GPC5: variants seen among roughly 807,000 people sequenced by gnomAD.
GPC5 encodes glypican 5, also known as glypican-5.
GPC5 carries 47 observed loss-of-function variants against 53.9 expected under a neutral mutation model. The observed-to-expected ratio is 0.87, with a 90% CI of 0.69 to 1.11. The LOEUF (loss-of-function observed/expected upper bound fraction) is 1.11, where lower values mean the gene tolerates loss of function less well. Among genes scored for constraint, GPC5 ranks in the 50% most tolerant of loss-of-function variants. The pLI is 0.00. For missense variants in GPC5, 748 were observed against 713.1 expected (o/e 1.05, Z -0.56); for synonymous variants, 286 against 263.3 (o/e 1.09, Z -0.84).
intron 7 of GPC5, among the ~76,000 whole-genome samples, chr13:92,828,817 A>G (rs1877943510): frequency 6.6e-6 from 1 of 152,150 alleles, no homozygotes; most frequent in South Asian, 2.1e-4. Flanking sequence ...GAGTGGCATA[A>G]TAAACACTGG....
intron 7 of GPC5, among the ~76,000 whole-genome samples, chr13:92,760,987 G>A (rs573364402): frequency 3.9e-5 from 6 of 151,960 alleles, no homozygotes; most frequent in Admixed American, 1.3e-4. Context: ...GAGATTTCTA[G>A]TTTCATACCA....
At chr13:91,752,404 G>T (rs1197121348) in intron 4 of GPC5, among the ~76,000 whole-genome samples, 1 of 152,058 alleles carries the variant, frequency 6.6e-6, no homozygotes, top group Non-Finnish European at 1.5e-5. Flanking sequence ...TTCTTTAAAG[G>T]CCCTGTCTCC....
At chr13:91,559,955 T>A (rs938603226) in intron 2 of GPC5, among the ~76,000 whole-genome samples, 1 of 152,110 alleles carries the variant, frequency 6.6e-6, no homozygotes, top group African/African-American at 2.4e-5. Flanking sequence ...TGGGGAACAT[T>A]GTAAGAATAG....
chr13:91,436,363 T>A (rs989445963), intron 1 of GPC5, among the ~76,000 whole-genome samples: 1 of 151,992 alleles, frequency 6.6e-6, no homozygotes, highest in African/African-American at 2.4e-5. Flanking sequence ...TTTGAATGTG[T>A]CCCAGAGATT....
chr13:92,206,229 A>C lies in GPC5; in HGVS notation c.1561+61240A>C, dbSNP rs10161767. 1.6e-3 allele frequency among the ~76,000 whole-genome samples: 230 copies of C among 145,728 alleles called. 1 individual carries two copies. The highest frequency in any genetic ancestry group is 5.7e-3 in the African/African-American group (227 of 39,704). ...CGCCCAGGCTGGAGTGTAGTGGCGCAATCTCGGCTCACTGCAAGCTCCGCC... is the reference window on the plus strand; with the variant it reads ...CGCCCAGGCTGGAGTGTAGTGGCGCCATCTCGGCTCACTGCAAGCTCCGCC... On this transcript the variant is annotated intron_variant, in intron 7 of 7. Transcript: ENST00000377067.
At chr13:91,523,227 A>G (rs1885920661) in intron 2 of GPC5, among the ~76,000 whole-genome samples, 1 of 152,214 alleles carries the variant, frequency 6.6e-6, no homozygotes, top group Non-Finnish European at 1.5e-5. Flanking sequence ...ATGATCCAGC[A>G]ATCCAGCTGC....
intron 6 of GPC5, among the ~76,000 whole-genome samples, chr13:91,948,810 C>T (rs1226514416): frequency 3.9e-5 from 6 of 152,134 alleles, no homozygotes; most frequent in Non-Finnish European, 4.4e-5. Context: ...TGTAATGCTG[C>T]AGAGTCAAAG....
At position 91,866,293 on chromosome 13, in the gene GPC5, A is replaced by G. The variant is rs542376740; in HGVS notation, c.1281-41644A>G. 2.6e-5 allele frequency among the ~76,000 whole-genome samples: 4 copies of G among 152,366 alleles called. No individual in the cohort carries two copies. The South Asian group carries it at 8.3e-4, about 32-fold the overall frequency. ...TCTCAAAAAGGCCAAGGGATTGAAT[A>G]CAGAAATTTAAACAGTAAATTTCTG... On this transcript the variant is annotated intron_variant, in intron 5 of 7. Coordinates refer to ENST00000377067, the MANE Select transcript of GPC5 (RefSeq NM_004466.6).
intron 5 of GPC5, among the ~76,000 whole-genome samples, chr13:91,768,722 C>T (rs1259784400): frequency 1.3e-5 from 2 of 151,794 alleles, no homozygotes; most frequent in African/African-American, 4.8e-5. Context: ...TTATTTGGTA[C>T]CAAATAAAAA....
chr13:92,168,474 A>G (rs2042047132), intron 7 of GPC5, among the ~76,000 whole-genome samples: 1 of 152,236 alleles, frequency 6.6e-6, no homozygotes. Context: ...TCTATAAGAA[A>G]CTTAAATTTA....
chr13:92,797,614 T>C (rs1021226640), intron 7 of GPC5, among the ~76,000 whole-genome samples: 1 of 151,910 alleles, frequency 6.6e-6, no homozygotes, highest in Admixed American at 6.6e-5. Flanking sequence ...TATTTATACT[T>C]TCTGAAATCA....
intron 2 of GPC5, among the ~76,000 whole-genome samples, chr13:91,485,024 T>G (rs1304210428): frequency 6.6e-6 from 1 of 152,042 alleles, no homozygotes; most frequent in Non-Finnish European, 1.5e-5. Flanking sequence ...AAATGCAGAA[T>G]AAAAAAAATG....
At chr13:92,073,156 A>C (rs760141284) in intron 6 of GPC5, among the ~76,000 whole-genome samples, 2 of 152,012 alleles carry the variant, frequency 1.3e-5, no homozygotes, top group Non-Finnish European at 2.9e-5. Flanking sequence ...AAATTTCCTA[A>C]TTTTCATATT....
chr13:91,631,440 A>G (rs528209742), intron 2 of GPC5, among the ~76,000 whole-genome samples: 2 of 152,230 alleles, frequency 1.3e-5, no homozygotes, highest in South Asian at 2.1e-4. Context: ...ACTGAACTAC[A>G]TAGGGAGGCA....
At chr13:91,687,740 A>G (rs1428720948) in intron 2 of GPC5, among the ~76,000 whole-genome samples, 2 of 152,060 alleles carry the variant, frequency 1.3e-5, no homozygotes, top group African/African-American at 4.8e-5. Context: ...AAACACACAC[A>G]CAAAAAATTT....
intron 1 of GPC5, among the ~76,000 whole-genome samples, chr13:91,432,709 G>A (rs757673951): frequency 1.1e-4 from 17 of 151,732 alleles, no homozygotes; most frequent in Non-Finnish European, 2.1e-4. Flanking sequence ...TACTTTTATA[G>A]GACAGTGCCT....
chr13:92,565,923 G>A (rs1351126066), intron 7 of GPC5, among the ~76,000 whole-genome samples: 1 of 151,622 alleles, frequency 6.6e-6, no homozygotes, highest in East Asian at 1.9e-4. Flanking sequence ...CTAATTTGAC[G>A]TGAACTTTTT....
rs376201870 is a variant in GPC5 at position 92,613,437 on chromosome 13, T to TA, written c.1562-252842dup. 1.1e-3 allele frequency among the ~76,000 whole-genome samples: 14 copies of TA among 12,962 alleles called. 1 individual carries two copies. The Admixed American group carries it at 0.011, about 11-fold the overall frequency. The allele number at this position is 12,962 out of a possible 152,430, so 8.5% of individuals were successfully genotyped here. ...TATAAATATGATATATATTTATATA[T>TA]AAATATATATATTTATATATAAATA... On this transcript the variant is annotated intron_variant, in intron 7 of 7. Coordinates refer to ENST00000377067, the MANE Select transcript of GPC5 (RefSeq NM_004466.6).
intron 2 of GPC5, among the ~76,000 whole-genome samples, chr13:91,646,287 G>A: frequency 6.6e-6 from 1 of 151,882 alleles, no homozygotes; most frequent in East Asian, 1.9e-4. Context: ...TTCCTGATTT[G>A]GAAAAGGAAC....
Sources: allele counts gnomAD v4.1 joint callset (sites outside exome capture counted in the v4.1 genomes callset), GRCh38; gene constraint gnomAD v4.1.1; transcripts MANE v1.5; gene names NCBI Gene and HGNC (gene_info 2026-07-23, HGNC 2026-07-21).